TYRO3: variants seen among roughly 807,000 people sequenced by gnomAD.
TYRO3 encodes the protein tyrosine-protein kinase receptor TYRO3.
Under a neutral mutation model 95.2 loss-of-function variants are expected in TYRO3, and 38 were observed. The observed-to-expected ratio is 0.40, with a 90% CI of 0.31 to 0.52. The LOEUF (loss-of-function observed/expected upper bound fraction) is 0.52. Among genes scored for constraint, TYRO3 ranks in the 20% least tolerant of loss-of-function variants. The probability of loss-of-function intolerance (pLI) is 0.56; values close to 1 mark genes in which losing one functional copy is unlikely to be tolerated. For missense variants in TYRO3, 812 were observed against 1,116.4 expected (o/e 0.73, Z 3.89); for synonymous variants, 367 against 432.9 (o/e 0.85, Z 1.89).
At chr15:41,567,626 G>C in intron 7 of TYRO3, 89 bp downstream of exon 7, 2 of 1,238,580 alleles carry the variant, frequency 1.6e-6, no homozygotes, top group South Asian at 4.6e-5. Context: ...TGCTGGTAGA[G>C]ATGGAGGTTC....
chr15:41,563,880 A>G (rs1389570713), intron 4 of TYRO3, among the ~76,000 whole-genome samples: 1 of 152,182 alleles, frequency 6.6e-6, no homozygotes, highest in Non-Finnish European at 1.5e-5. Flanking sequence ...TGTGTGTGGG[A>G]GATGGGATGG....
intron 12 of TYRO3, 113 bp downstream of exon 12, chr15:41,570,812 T>C (rs1252018148): frequency 2.8e-6 from 3 of 1,066,858 alleles, no homozygotes; most frequent in African/African-American, 1.5e-5. Context: ...AAACAAGATA[T>C]GCTTGTAGAC....
Position 41,578,326 on chromosome 15 carries a change from G to A in TYRO3, c.*50G>A. On this transcript the variant is annotated 3_prime_UTR_variant, in exon 19 of 19. Coordinates refer to ENST00000263798, the MANE Select transcript of TYRO3 (RefSeq NM_006293.4). ...CATTTGGCCGGCTCTGGTGGCCACT[G>A]AGCTGGCTGACTAAGCCCCGTCTGA... 1 of 1,607,620 alleles carries A rather than the reference G, an allele frequency of 6.2e-7. No individual in the cohort carries two copies. Among genetic ancestry groups the A allele is most frequent in the Non-Finnish European group, 8.5e-7 (1 of 1,177,126 alleles).
intron 14 of TYRO3, 38 bp downstream of exon 14, chr15:41,571,725 G>T (rs758953149): frequency 2.2e-6 from 2 of 914,334 alleles, no homozygotes; most frequent in African/African-American, 3.2e-5. Context: ...AGAGAATAGG[G>T]CTAAAAATAT....
chr15:41,564,907 G>A (rs1362606578), intron 5 of TYRO3, 119 bp from the exon 6 acceptor site: 3 of 676,530 alleles, frequency 4.4e-6, no homozygotes, highest in Non-Finnish European at 8.0e-6. Context: ...GTGCTGAGTA[G>A]CCGTCTTTAG....
chr15:41,577,258 T>C (rs938983186), intron 18 of TYRO3: 2 of 152,194 alleles, frequency 1.3e-5, no homozygotes, highest in African/African-American at 4.8e-5. Context: ...GAGACCAGCC[T>C]GAGCAACATA....
At chr15:41,562,762 G>T (rs775523223) in intron 4 of TYRO3, 44 bp downstream of exon 4, 2 of 1,563,158 alleles carry the variant, frequency 1.3e-6, no homozygotes, top group South Asian at 2.3e-5. Context: ...AAGGAGCTGG[G>T]TCCTGGAGGG....
In TYRO3 at chr15:41,561,238, A is replaced by G. The variant is rs758639545; in HGVS notation, c.236A>G (p.Asp79Gly). ...GAGCCTGACATCCAGTGGGTGAAGG[A>G]TGGGGCTGTGGTCCAGAACTTGGAC... ...MEEPDIQWVK[D>G]GAVVQNLDQL... Residue 79 changes from aspartate to glycine, a missense_variant, in exon 2 of 19, where the codon GAT (aspartate) becomes GGT (glycine). Asp to Gly is a moderately conservative substitution (Grantham distance 94). Coordinates refer to ENST00000263798, the MANE Select transcript of TYRO3 (RefSeq NM_006293.4). 6.2e-7 allele frequency: 1 copy of G among 1,614,230 alleles called. No homozygotes were observed. Among genetic ancestry groups the G allele is most frequent in the Admixed American group, 1.7e-5 (1 of 60,020 alleles).
chr15:41,575,281 G>C (rs533344661), intron 18 of TYRO3, among the ~76,000 whole-genome samples: 14 of 152,366 alleles, frequency 9.2e-5, no homozygotes, highest in Middle Eastern at 3.4e-3. Flanking sequence ...TCATTCAGCA[G>C]AGCTCAGGGC....
At chr15:41,572,588 C>A (rs1343960735) in intron 15 of TYRO3, 24 bp downstream of exon 15, 2 of 1,613,394 alleles carry the variant, frequency 1.2e-6, no homozygotes, top group Non-Finnish European at 1.7e-6. Context: ...GTGGGGGTGG[C>A]CAGGAGGAAA....
intron 14 of TYRO3, 67 bp downstream of exon 14, chr15:41,571,754 G>A: frequency 2.6e-6 from 2 of 765,378 alleles, no homozygotes; most frequent in Non-Finnish European, 4.4e-6. Context: ...AATATGAGAT[G>A]GCAGCCTATA....
chr15:41,562,251 T>A, intron 3 of TYRO3: 1 of 245,556 alleles, frequency 4.1e-6, no homozygotes, highest in Non-Finnish European at 7.2e-6. Context: ...CTCCGGAGGC[T>A]AAGGCCAGAG....
chr15:41,563,066 C>A (rs1054576201), intron 4 of TYRO3, among the ~76,000 whole-genome samples: 9 of 151,928 alleles, frequency 5.9e-5, no homozygotes, highest in African/African-American at 1.9e-4. Context: ...AACCAGCCCA[C>A]GCAGAACTAG....
rs775142130 is a variant in TYRO3, at chr15:41,561,300, G to A, written c.298G>A (p.Gly100Ser). Residue 100 changes from glycine to serine, a missense_variant, in exon 2 of 19, where the codon GGC (glycine) becomes AGC (serine). Coordinates refer to ENST00000263798, the MANE Select transcript of TYRO3 (RefSeq NM_006293.4). ...YIPVSEQHWI[G>S]FLSLKSVERS... is the part of the protein sequence containing the mutation. ...CCCAGTCAGCGAGCAGCACTGGATC[G>A]GCTTCCTCAGGTGCAGGCCTGTGGG... The A allele has an allele frequency of 6.2e-6, 10 of 1,611,366 alleles. No individual in the cohort carries two copies. The highest frequency in any genetic ancestry group is 1.6e-4 in the Middle Eastern group (1 of 6,072).
chr15:41,564,203 G>A lies in TYRO3; in HGVS notation c.600G>A (p.Met200Ile), dbSNP rs138227584. 211 of 1,614,028 alleles carry A rather than the reference G, an allele frequency of 1.3e-4. No individual in the cohort carries two copies. The highest frequency in any genetic ancestry group is 1.7e-4 in the Non-Finnish European group (201 of 1,180,020). The change falls in exon 5 of 19, where the codon ATG becomes ATA. Residue 200 changes from methionine to isoleucine, a missense_variant. By Grantham distance (10) the Met-to-Ile change is conservative. Coordinates refer to ENST00000263798, the MANE Select transcript of TYRO3 (RefSeq NM_006293.4). ...CCCCAGGGGTGACCCAGAGCACCATGTTTTCCTGTGAAGCTCACAACCTAA... is the reference window on the plus strand; with the variant it reads ...CCCCAGGGGTGACCCAGAGCACCATATTTTCCTGTGAAGCTCACAACCTAA... ...LNVTGVTQST[M>I]FSCEAHNLKG...
chr15:41,582,577 G>A lies in TYRO3; in HGVS notation c.*4301G>A, dbSNP rs1942340674. The A allele has an allele frequency of 6.6e-6, 1 of 152,074 alleles. No individual in the cohort carries two copies. Among genetic ancestry groups the A allele is most frequent in the Non-Finnish European group, 1.5e-5 (1 of 68,012 alleles). 9.4% of individuals were successfully genotyped at this position (152,074 alleles called of 1,614,324 possible). ...GGTGCCTGTAATCCCAGCTACTTGG[G>A]AGGCTGAGGTAGGAGAATTGCTTGA... On this transcript the variant is annotated 3_prime_UTR_variant, in exon 19 of 19. Transcript: ENST00000263798.
chr15:41,567,655 A>G, intron 7 of TYRO3, 118 bp downstream of exon 7: 1 of 908,666 alleles, frequency 1.1e-6, no homozygotes, highest in Non-Finnish European at 1.5e-6. Context: ...TTCGGCAAAC[A>G]TTTACTGCAT....
chr15:41,568,372 A>G lies in TYRO3; in HGVS notation c.1107+10A>G. 1 of 1,611,140 alleles carries G rather than the reference A, an allele frequency of 6.2e-7. No homozygotes were observed. Among genetic ancestry groups the G allele is most frequent in the Non-Finnish European group, 8.5e-7 (1 of 1,178,284 alleles). On this transcript the variant is annotated intron_variant, in intron 8 of 18. Transcript: ENST00000263798. ...AGACAATGGAACCCAGGTAAGACAGAACCCTCCCCTCTCTCCACTCTCCTG... is the reference window on the plus strand; with the variant it reads ...AGACAATGGAACCCAGGTAAGACAGGACCCTCCCCTCTCTCCACTCTCCTG...
At position 41,573,121 on chromosome 15, in the gene TYRO3, C is replaced by T; in HGVS notation, c.1985+10C>T. The T allele has an allele frequency of 2.1e-6, 2 of 960,168 alleles. No homozygotes were observed. Among genetic ancestry groups the T allele is most frequent in the Non-Finnish European group, 3.1e-6 (2 of 639,256 alleles). The allele number at this position is 960,168 out of a possible 1,614,324, so 59.5% of individuals were successfully genotyped here. On this transcript the variant is annotated intron_variant, in intron 16 of 18. Coordinates refer to ENST00000263798, the MANE Select transcript of TYRO3 (RefSeq NM_006293.4). ...CTGCTCGGAATTGCATGTACGAATT[C>T]TGGAGGACTCGAGGGTGGGAGACAG...
Sources: allele counts gnomAD v4.1 joint callset (sites outside exome capture counted in the v4.1 genomes callset), GRCh38; gene constraint gnomAD v4.1.1; transcripts MANE v1.5; gene names NCBI Gene and HGNC (gene_info 2026-07-23, HGNC 2026-07-21).